Variants in PDSS1 observed in about 807,000 individuals in gnomAD.
PDSS1 encodes all trans-polyprenyl-diphosphate synthase PDSS1.
PDSS1 carries 43 observed loss-of-function variants against 57.5 expected under a neutral mutation model. The ratio of observed to expected loss-of-function variants is 0.75; its 90% CI spans 0.59 to 0.96. The LOEUF (loss-of-function observed/expected upper bound fraction) is 0.96. Among genes scored for constraint, PDSS1 ranks in the 50% least tolerant of loss-of-function variants. The pLI is 0.00. For missense variants in PDSS1, 438 were observed against 527.8 expected, an observed-to-expected ratio of 0.83 and a Z score of 1.67; for synonymous variants, 175 against 191.3, an observed-to-expected ratio of 0.91 and a Z score of 0.70.
chr10:26,746,716 T>C lies in PDSS1; in HGVS notation c.*243T>C, dbSNP rs532549089. Reference sequence around the variant, plus strand: ...ATAAATTATAATCAAGGTATCTTGATGGTTATATGTGGTATTGTTTACACT... The same window carrying C: ...ATAAATTATAATCAAGGTATCTTGACGGTTATATGTGGTATTGTTTACACT... On this transcript the variant is annotated 3_prime_UTR_variant, in exon 12 of 12. Coordinates refer to ENST00000376215, the MANE Select transcript of PDSS1 (RefSeq NM_014317.5). 1.1e-4 allele frequency: 55 copies of C among 497,278 alleles called. No homozygotes were observed. Among genetic ancestry groups the C allele is most frequent in the African/African-American group, 1.0e-3 (53 of 52,166 alleles). The allele number at this position is 497,278 out of a possible 1,614,324, so 30.8% of individuals were successfully genotyped here. A position where few individuals can be genotyped will look rare whatever the true frequency, so the allele number is the denominator to read the frequency against.
intron 8 of PDSS1, among the ~76,000 whole-genome samples, chr10:26,724,367 A>G (rs1401921625): frequency 6.6e-6 from 1 of 152,128 alleles, no homozygotes; most frequent in African/African-American, 2.4e-5. Context: ...CAATCAAAAT[A>G]AGCTTTCCCG....
chr10:26,745,955 T>TTA lies in PDSS1; in HGVS notation c.1108-376_1108-375dup, dbSNP rs1443644855. On this transcript the variant is annotated intron_variant, in intron 11 of 11. Transcript: ENST00000376215. ...TCTGTACTTTCATTTTGTTATGTCT[T>TTA]TATTCTTTATTTTTTAAGTAAGTTT... is the stretch of plus-strand genomic sequence containing the variant. Among the ~76,000 whole-genome samples, 22 of 152,234 alleles carry TTA rather than the reference T, an allele frequency of 1.4e-4. 1 individual carries two copies. Among genetic ancestry groups the TTA allele is most frequent in the Admixed American group, 1.4e-3 (22 of 15,286 alleles).
At position 26,730,873 on chromosome 10, in the gene PDSS1, A is replaced by G. The variant is rs147575841; in HGVS notation, c.832-4367A>G. The stretch of plus-strand genomic sequence containing the variant: ...TTCCTTTTGCATTTCTTCAGTTAAC[A>G]ATTTATTAGGAAAATGATTCCACAT... On this transcript the variant is annotated intron_variant, in intron 8 of 11. Coordinates refer to ENST00000376215, the MANE Select transcript of PDSS1 (RefSeq NM_014317.5). Among the ~76,000 whole-genome samples, 98 of 152,230 alleles carry G rather than the reference A, an allele frequency of 6.4e-4. 1 individual carries two copies. Among genetic ancestry groups the G allele is most frequent in the African/African-American group, 2.3e-3 (94 of 41,544 alleles).
chr10:26,733,498 A>G (rs1478782012), intron 8 of PDSS1, among the ~76,000 whole-genome samples: 3 of 152,172 alleles, frequency 2.0e-5, no homozygotes, highest in Non-Finnish European at 2.9e-5. Flanking sequence ...TTTATGGTGC[A>G]TGCAATTTTA....
intron 2 of PDSS1, among the ~76,000 whole-genome samples, chr10:26,702,849 C>A (rs534219254): frequency 2.6e-5 from 4 of 152,244 alleles, no homozygotes; most frequent in Admixed American, 2.6e-4. Flanking sequence ...AAAGTAAATT[C>A]ATGAGAGGCA....
chr10:26,704,700 G>C lies in PDSS1; in HGVS notation c.186G>C (p.Lys62Asn). 2 of 1,438,696 alleles carry C rather than the reference G, an allele frequency of 1.4e-6. No individual in the cohort carries two copies. The highest frequency in any genetic ancestry group is 2.0e-6 in the Non-Finnish European group (2 of 1,020,576). The allele number at this position is 1,438,696 out of a possible 1,614,324, so 89.1% of individuals were successfully genotyped here. The change falls in exon 3 of 12, where the codon AAG becomes AAC. Residue 62 changes from lysine to asparagine, a missense_variant. Around this residue, in one of 2 missense-constraint regions of PDSS1, gnomAD observed 154 missense variants for 137.0 expected, o/e 1.12. Coordinates refer to ENST00000376215, the MANE Select transcript of PDSS1 (RefSeq NM_014317.5). ...LSQIPYINLV[K>N]HLTSACPNVC... ...AGATACCCTATATTAATCTTGTGAA[G>C]CATTTAACATCTGCCTGTCCAAATG...
rs185457824 is a variant in PDSS1, at chr10:26,726,935, G to A, written c.831+2812G>A. ...AAATTAGCCGGGCGTGGTGGTGCAC[G>A]CCTGTAATGCCAGCTACTTGGGAAG... On this transcript the variant is annotated intron_variant, in intron 8 of 11. Transcript: ENST00000376215. Among the ~76,000 whole-genome samples the A allele has an allele frequency of 3.4e-3, 511 of 152,020 alleles. 3 individuals carry two copies. Among genetic ancestry groups the A allele is most frequent in the Middle Eastern group, 0.017 (5 of 294 alleles).
chr10:26,709,647 A>G lies in PDSS1; in HGVS notation c.346A>G (p.Ile116Val). Reference sequence around the variant, plus strand: ...AGAAACTTTATTTCAGGAACTGCTTATATCAACATCAGAACTTAAGGAAAT... The same window carrying G: ...AGAAACTTTATTTCAGGAACTGCTTGTATCAACATCAGAACTTAAGGAAAT... ...LYEDIRKELL[I>V]STSELKEMSE... The change falls in exon 5 of 12, where the codon ATA (isoleucine) becomes GTA (valine). Residue 116 changes from isoleucine (I) to valine (V), a missense_variant. Physicochemically the swap from Ile to Val is conservative, Grantham distance 29 (BLOSUM62 3). Transcript: ENST00000376215. The G allele has an allele frequency of 6.2e-7, 1 of 1,613,866 alleles. No individual in the cohort carries two copies. The highest frequency in any genetic ancestry group is 8.5e-7 in the Non-Finnish European group (1 of 1,179,774).
In PDSS1 at chr10:26,710,359, C is replaced by A. The variant is rs1218200567; in HGVS notation, c.467+591C>A. Reference sequence around the variant, plus strand: ...CTCCTGGGTTCACACCATTCTCCTGCCTCAGCCTCCCAAGTAGCTGGGACT... The same window carrying A: ...CTCCTGGGTTCACACCATTCTCCTGACTCAGCCTCCCAAGTAGCTGGGACT... On this transcript the variant is annotated intron_variant, in intron 5 of 11. Coordinates refer to ENST00000376215, the MANE Select transcript of PDSS1 (RefSeq NM_014317.5). Among the ~76,000 whole-genome samples, 2 of 89,796 alleles carry A rather than the reference C, an allele frequency of 2.2e-5. 1 individual carries two copies. Among genetic ancestry groups the A allele is most frequent in the Non-Finnish European group, 5.1e-5 (2 of 39,152 alleles). The allele number at this position is 89,796 out of a possible 152,430, so 58.9% of individuals were successfully genotyped here.
chr10:26,699,263 T>C (rs1834969661), intron 1 of PDSS1, among the ~76,000 whole-genome samples: 1 of 152,090 alleles, frequency 6.6e-6, no homozygotes, highest in African/African-American at 2.4e-5. Flanking sequence ...AGGAGGAAGG[T>C]AGGCTTTGCT....
In PDSS1 at chr10:26,704,807, A is replaced by T. The variant is rs1329310235; in HGVS notation, c.227+66A>T. 2.0e-5 allele frequency: 18 copies of T among 921,440 alleles called. 1 individual carries two copies. The highest frequency in any genetic ancestry group is 2.8e-4 in the Middle Eastern group (1 of 3,544). The allele number at this position is 921,440 out of a possible 1,614,324, so 57.1% of individuals were successfully genotyped here. A position where few individuals can be genotyped will look rare whatever the true frequency, so the allele number is the denominator to read the frequency against. ...TTTTTAAATTTATTGTTGTTTAAAAAATTTTTTTTGTAGCGATGGGGAGCT... is the reference window on the plus strand; with the variant it reads ...TTTTTAAATTTATTGTTGTTTAAAATATTTTTTTTGTAGCGATGGGGAGCT... On this transcript the variant is annotated intron_variant, in intron 3 of 11. Transcript: ENST00000376215.
At chr10:26,744,636 C>T (rs1836748753) in intron 11 of PDSS1, among the ~76,000 whole-genome samples, 1 of 152,102 alleles carries the variant, frequency 6.6e-6, no homozygotes, top group East Asian at 1.9e-4. Flanking sequence ...ATCCGCCCGC[C>T]TCGGCCTCCC....
intron 8 of PDSS1, among the ~76,000 whole-genome samples, chr10:26,733,518 T>TA (rs1836287075): frequency 6.6e-6 from 1 of 152,144 alleles, no homozygotes; most frequent in Non-Finnish European, 1.5e-5. Flanking sequence ...ACCATGTACT[T>TA]ATGGCCAAGC....
At chr10:26,731,912 C>G (rs1836217767) in intron 8 of PDSS1, among the ~76,000 whole-genome samples, 1 of 152,258 alleles carries the variant, frequency 6.6e-6, no homozygotes, top group Non-Finnish European at 1.5e-5. Flanking sequence ...CTGCCTCAGC[C>G]TCCCAAGTAG....
chr10:26,710,021 G>T (rs183883235), intron 5 of PDSS1, among the ~76,000 whole-genome samples: 299 of 151,982 alleles, frequency 2.0e-3, no homozygotes, highest in African/African-American at 6.8e-3. Flanking sequence ...GGGCGTGGTG[G>T]CAGGTGCCTG....
In PDSS1 at chr10:26,710,495, A is replaced by AT. The variant is rs541495006; in HGVS notation, c.467+743dup. ...AGGTATGAGCCACCATGCCCGGCTA[A>AT]TTTTTTTTTTTTTTTTGTATTTTTA... On this transcript the variant is annotated intron_variant, in intron 5 of 11. Transcript: ENST00000376215. Among the ~76,000 whole-genome samples the AT allele has an allele frequency of 1.8e-3, 140 of 78,874 alleles. 19 individuals are homozygous for AT. Among genetic ancestry groups the AT allele is most frequent in the South Asian group, 5.4e-3 (16 of 2,986 alleles). The allele number at this position is 78,874 out of a possible 152,430, so 51.7% of individuals were successfully genotyped here.
At position 26,722,571 on chromosome 10, in the gene PDSS1, G is replaced by A. The variant is rs746311364; in HGVS notation, c.610-1235G>A. Among the ~76,000 whole-genome samples the A allele has an allele frequency of 5.9e-5, 9 of 152,132 alleles. No homozygotes were observed. The South Asian group carries it at 1.5e-3, about 25-fold the overall frequency. On this transcript the variant is annotated intron_variant, in intron 6 of 11. Transcript: ENST00000376215. Reference sequence around the variant, plus strand: ...AATACAAAAATACCTGGGCGTGGTGGTGTACGCTTGTAGTCCCAGCTACTC... The same window carrying A: ...AATACAAAAATACCTGGGCGTGGTGATGTACGCTTGTAGTCCCAGCTACTC...
At chr10:26,721,536 C>G (rs1451621685) in intron 6 of PDSS1, among the ~76,000 whole-genome samples, 2 of 151,802 alleles carry the variant, frequency 1.3e-5, no homozygotes, top group East Asian at 3.9e-4. Flanking sequence ...CTTGCAATTT[C>G]ATTTATATGC....
intron 6 of PDSS1, among the ~76,000 whole-genome samples, chr10:26,723,127 C>T (rs1277119032): frequency 6.6e-6 from 1 of 152,078 alleles, no homozygotes; most frequent in African/African-American, 2.4e-5. Flanking sequence ...CTGACTGGTA[C>T]GCAAGGTGTG....
Sources: allele counts gnomAD v4.1 joint callset (sites outside exome capture counted in the v4.1 genomes callset), GRCh38; gene constraint gnomAD v4.1.1; regional missense constraint gnomAD v4.1.1; transcripts MANE v1.5; gene names NCBI Gene and HGNC (gene_info 2026-07-23, HGNC 2026-07-21).